The following ROBO2 variants were observed in gnomAD, a reference collection of about 807,000 sequenced individuals.
The protein encoded by ROBO2 is roundabout guidance receptor 2.
In ROBO2, 53 loss-of-function variants were observed where a neutral mutation model predicts 160.8. The ratio of observed to expected loss-of-function variants is 0.33; its 90% CI spans 0.26 to 0.41. ROBO2 has a LOEUF of 0.41. Among genes scored for constraint, ROBO2 ranks in the 10% least tolerant of loss-of-function variants. The probability of loss-of-function intolerance (pLI) is 1.00; values close to 1 mark genes in which losing one functional copy is unlikely to be tolerated. For missense variants in ROBO2, 1,577 were observed against 1,722.4 expected, an observed-to-expected ratio of 0.92 and a Z score of 1.49; for synonymous variants, 664 against 611.7, an observed-to-expected ratio of 1.09 and a Z score of -1.26.
chr3:76,308,197 T>A (rs766531809), intron 2 of ROBO2, among the ~76,000 whole-genome samples: 5 of 151,554 alleles, frequency 3.3e-5, no homozygotes, highest in Non-Finnish European at 7.4e-5. Context: ...GCCAATATGG[T>A]GAAACCTCGT....
At chr3:76,347,063 A>G (rs1375566747) in intron 2 of ROBO2, among the ~76,000 whole-genome samples, 1 of 152,190 alleles carries the variant, frequency 6.6e-6, no homozygotes, top group African/African-American at 2.4e-5. Context: ...AATAAAAAAA[A>G]AATGGATTAT....
At chr3:75,952,701 G>T (rs1193828488) in intron 2 of ROBO2, among the ~76,000 whole-genome samples, 1 of 151,934 alleles carries the variant, frequency 6.6e-6, no homozygotes, top group Non-Finnish European at 1.5e-5. Context: ...TATAGGTTTT[G>T]TCAAATGTGT....
intron 2 of ROBO2, among the ~76,000 whole-genome samples, chr3:76,963,842 A>AAG (rs1553708495): frequency 6.6e-6 from 1 of 150,674 alleles, no homozygotes. Context: ...ACTGCAAAAA[A>AAG]AAAAAAAGAA....
intron 2 of ROBO2, among the ~76,000 whole-genome samples, chr3:76,017,909 A>G (rs572741708): frequency 6.6e-6 from 1 of 152,178 alleles, no homozygotes; most frequent in East Asian, 1.9e-4. Context: ...AAATTTAAGG[A>G]TTTCCTTTTT....
At chr3:76,578,793 A>G (rs1358419139) in intron 2 of ROBO2, among the ~76,000 whole-genome samples, 3 of 152,110 alleles carry the variant, frequency 2.0e-5, no homozygotes, top group African/African-American at 4.8e-5. Flanking sequence ...AACAGCCTCC[A>G]CGGCATCTGT....
intron 2 of ROBO2, among the ~76,000 whole-genome samples, chr3:76,417,503 T>C (rs889838669): frequency 1.3e-4 from 20 of 152,234 alleles, no homozygotes; most frequent in Non-Finnish European, 2.6e-4. Flanking sequence ...TGGTCCATTA[T>C]GCTTTCTCCT....
At chr3:76,155,115 A>G (rs1017273178) in intron 2 of ROBO2, among the ~76,000 whole-genome samples, 2 of 152,214 alleles carry the variant, frequency 1.3e-5, no homozygotes, top group African/African-American at 4.8e-5. Flanking sequence ...CCTTTGTAAA[A>G]AGATCACAGG....
At chr3:77,320,116 T>C (rs1354640453) in intron 2 of ROBO2, among the ~76,000 whole-genome samples, 1 of 152,142 alleles carries the variant, frequency 6.6e-6, no homozygotes, top group East Asian at 1.9e-4. Context: ...TAAATAAACT[T>C]CAAGACATTC....
intron 2 of ROBO2, among the ~76,000 whole-genome samples, chr3:77,213,168 T>C (rs1165707391): frequency 1.3e-5 from 2 of 152,198 alleles, no homozygotes; most frequent in African/African-American, 2.4e-5. Flanking sequence ...CTCCTCCTTG[T>C]ACCTCTGGTA....
intron 2 of ROBO2, among the ~76,000 whole-genome samples, chr3:76,741,743 T>A (rs1224776028): frequency 2.6e-5 from 4 of 152,058 alleles, no homozygotes; most frequent in South Asian, 4.1e-4. Context: ...TTCATAGTCA[T>A]CAAAGATTAA....
At chr3:76,335,798 G>A (rs1048752905) in intron 2 of ROBO2, among the ~76,000 whole-genome samples, 2 of 151,836 alleles carry the variant, frequency 1.3e-5, no homozygotes. Flanking sequence ...GGATGGTCTC[G>A]ATCTCCTGAC....
In ROBO2 at chr3:77,190,354, A is replaced by C. The variant is rs2081717474; in HGVS notation, c.388+92014A>C. On this transcript the variant is annotated intron_variant, in intron 2 of 25. Transcript: ENST00000461745. ...GAGTTGCATTATCTGTGTGTAAAAT[A>C]TAAACAAGAATTCTGACCTCTATTC... 3.3e-5 allele frequency among the ~76,000 whole-genome samples: 5 copies of C among 152,118 alleles called. No individual in the cohort carries two copies. In the South Asian group the frequency reaches 1.0e-3, roughly 31 times the overall value.
At chr3:77,541,931 T>C (rs1041333522) in intron 6 of ROBO2, among the ~76,000 whole-genome samples, 18 of 151,956 alleles carry the variant, frequency 1.2e-4, no homozygotes, top group Admixed American at 1.3e-4. Flanking sequence ...GGAATTGTCG[T>C]CTTGAGGACC....
chr3:76,656,067 T>A (rs2091507807), intron 2 of ROBO2, among the ~76,000 whole-genome samples: 1 of 152,110 alleles, frequency 6.6e-6, no homozygotes, highest in African/African-American at 2.4e-5. Flanking sequence ...TGGCTCAATT[T>A]TAAGTGTACT....
At chr3:77,095,563 T>C (rs539784955) in intron 1 of ROBO2, among the ~76,000 whole-genome samples, 2 of 152,218 alleles carry the variant, frequency 1.3e-5, no homozygotes, top group Admixed American at 6.5e-5. Flanking sequence ...TTACTGTGCA[T>C]AGGGAGATTC....
chr3:76,458,209 T>C (rs2077884057), intron 2 of ROBO2, among the ~76,000 whole-genome samples: 1 of 152,194 alleles, frequency 6.6e-6, no homozygotes, highest in African/African-American at 2.4e-5. Flanking sequence ...TGAATGCCTT[T>C]GACAGCACCC....
rs962826298 is a variant in ROBO2 at position 75,981,282 on chromosome 3, T to A, written c.109+43680T>A. Among the ~76,000 whole-genome samples, 10 of 151,618 alleles carry A rather than the reference T, an allele frequency of 6.6e-5. No individual in the cohort carries two copies. In the East Asian group the frequency reaches 1.6e-3, roughly 24 times the overall value. On this transcript the variant is annotated intron_variant, in intron 2 of 26. Coordinates refer to the ROBO2 transcript ENST00000487694. ...CATTCAATTGCTGGAACTAATTATTTAACTATTCAGTTTCCCAAGTTTTCC... is the reference window on the plus strand; with the variant it reads ...CATTCAATTGCTGGAACTAATTATTAAACTATTCAGTTTCCCAAGTTTTCC...
At chr3:77,479,269 A>G (rs1023761268) in intron 3 of ROBO2, among the ~76,000 whole-genome samples, 1 of 152,188 alleles carries the variant, frequency 6.6e-6, no homozygotes, top group Non-Finnish European at 1.5e-5. Flanking sequence ...GAATAGTTGA[A>G]CAGTCTGTCC....
At chr3:77,163,030 T>C (rs1332724726) in intron 2 of ROBO2, among the ~76,000 whole-genome samples, 1 of 151,990 alleles carries the variant, frequency 6.6e-6, no homozygotes. Flanking sequence ...AAGACAGGGT[T>C]TCACCACGTT....
Sources: gnomAD v4.1 joint callset for allele counts (sites outside exome capture counted in the v4.1 genomes callset) on GRCh38, gnomAD v4.1.1 for gene constraint, MANE v1.5 for transcripts, NCBI Gene and HGNC (gene_info 2026-07-23, HGNC 2026-07-21) for gene names.